GPAT3: variants seen among roughly 807,000 people sequenced by gnomAD.
The protein encoded by GPAT3 is glycerol-3-phosphate acyltransferase 3.
In GPAT3, 53 loss-of-function variants were observed where a neutral mutation model predicts 58.8. That is an observed-to-expected ratio of 0.90 (90% confidence interval 0.72 to 1.13). The LOEUF (loss-of-function observed/expected upper bound fraction) is 1.13, where lower values mean the gene tolerates loss of function less well. GPAT3 is among the 50% of genes most tolerant of loss of function. The pLI is 0.00. For synonymous variants in GPAT3, 197 were observed against 187.4 expected (o/e 1.05, Z -0.42); for missense variants, 511 against 527.6 (o/e 0.97, Z 0.31).
rs756839144 is a variant in GPAT3, at chr4:83,581,811, A to G, written c.458A>G (p.Tyr153Cys). The G allele has an allele frequency of 3.1e-6, 5 of 1,612,388 alleles. No homozygotes were observed. The highest frequency in any genetic ancestry group is 4.2e-6 in the Non-Finnish European group (5 of 1,178,738). Residue 153 changes from tyrosine to cysteine, a missense_variant, in exon 3 of 12, where the codon TAT (tyrosine) becomes TGT (cysteine). Tyr to Cys is a radical substitution (Grantham distance 194). Transcript: ENST00000264409. ...MVWVLGVIVR[Y>C]CVLLPLRVTL... ...TGGGTGCTGGGCGTCATAGTGCGCT[A>G]TTGTGTCCTACTGCCTCTGAGGTAA... is the stretch of plus-strand genomic sequence containing the variant.
At chr4:83,577,366 C>T (rs567940118) in intron 2 of GPAT3, among the ~76,000 whole-genome samples, 1 of 152,166 alleles carries the variant, frequency 6.6e-6, no homozygotes, top group Non-Finnish European at 1.5e-5. Context: ...AGATTAGATT[C>T]TCATATTGCA....
Position 83,536,745 on chromosome 4 carries a change from C to G in GPAT3, c.123C>G (p.Ile41Met). 1 of 1,612,452 alleles carries G rather than the reference C, an allele frequency of 6.2e-7. No homozygotes were observed. The highest frequency in any genetic ancestry group is 1.1e-5 in the South Asian group (1 of 90,982). ...SLGISEIYMK[I>M]LVKTLEWATI... ...GCATCTCCGAGATCTACATGAAGAT[C>G]CTAGTGAAAACTTTAGAGGTGAGTG... The change falls in exon 1 of 12, where the codon ATC becomes ATG. Residue 41 changes from isoleucine (I) to methionine (M), a missense_variant. Transcript: ENST00000264409.
intron 1 of GPAT3, among the ~76,000 whole-genome samples, chr4:83,538,780 C>T (rs1209316461): frequency 6.6e-6 from 1 of 152,150 alleles, no homozygotes; most frequent in African/African-American, 2.4e-5. Context: ...GAGCTGAACT[C>T]CTTGTCAATC....
intron 9 of GPAT3, among the ~76,000 whole-genome samples, chr4:83,597,739 A>G (rs17006925): frequency 0.032 from 4,831 of 152,216 alleles, 243 homozygotes; most frequent in African/African-American, 0.11. Flanking sequence ...GTATTTGCTC[A>G]TAGTGTTAAG....
At chr4:83,585,249 TTTC>T (rs1462636441) in intron 3 of GPAT3, among the ~76,000 whole-genome samples, 1 of 151,588 alleles carries the variant, frequency 6.6e-6, no homozygotes, top group Admixed American at 6.6e-5. Flanking sequence ...TTCAAAAAGC[TTTC>T]TTCTTGCTCA....
At chr4:83,562,905 T>G (rs1725234744) in intron 2 of GPAT3, among the ~76,000 whole-genome samples, 1 of 152,286 alleles carries the variant, frequency 6.6e-6, no homozygotes, top group East Asian at 1.9e-4. Flanking sequence ...CCAAGAATAA[T>G]AGAAGTTGTC....
intron 2 of GPAT3, among the ~76,000 whole-genome samples, chr4:83,562,235 TA>T (rs368482713): frequency 5.4e-5 from 4 of 74,572 alleles, no homozygotes; most frequent in East Asian, 8.7e-4. Flanking sequence ...AATATATATA[TA>T]ATATATATAT....
intron 1 of GPAT3, among the ~76,000 whole-genome samples, chr4:83,539,061 T>A (rs960352024): frequency 2.0e-5 from 3 of 152,246 alleles, no homozygotes; most frequent in African/African-American, 7.2e-5. Context: ...CTGCTTTAGG[T>A]GCAGGAGAAC....
intron 2 of GPAT3, among the ~76,000 whole-genome samples, chr4:83,545,756 G>A (rs1363155731): frequency 6.6e-6 from 1 of 151,828 alleles, no homozygotes; most frequent in Non-Finnish European, 1.5e-5. Context: ...AAATATAGCA[G>A]CTCTATCATT....
At chr4:83,579,081 C>CTTCCTTTCCTT (rs1725993896) in intron 2 of GPAT3, among the ~76,000 whole-genome samples, 3 of 19,638 alleles carry the variant, frequency 1.5e-4, no homozygotes, top group African/African-American at 5.6e-4. Flanking sequence ...TTTCTTTCTT[C>CTTCCTTTCCTT]CCTTCCTTCC....
chr4:83,545,633 G>A (rs1406018632), intron 2 of GPAT3, among the ~76,000 whole-genome samples: 1 of 152,098 alleles, frequency 6.6e-6, no homozygotes, highest in African/African-American at 2.4e-5. Context: ...AACTAGTAGA[G>A]CTTCATGGTG....
intron 2 of GPAT3, among the ~76,000 whole-genome samples, chr4:83,562,215 A>ATATATATAT (rs1560611131): frequency 9.6e-4 from 21 of 21,928 alleles, no homozygotes; most frequent in Middle Eastern, 0.033. Flanking sequence ...TATATATTAT[A>ATATATATAT]TATATATATA....
chr4:83,558,888 T>C (rs1465292580), intron 2 of GPAT3, among the ~76,000 whole-genome samples: 1 of 152,190 alleles, frequency 6.6e-6, no homozygotes, highest in African/African-American at 2.4e-5. Flanking sequence ...TTACTGAATT[T>C]AGAGAAAAAC....
intron 11 of GPAT3, among the ~76,000 whole-genome samples, chr4:83,599,776 A>G (rs946196161): frequency 6.6e-6 from 1 of 152,176 alleles, no homozygotes; most frequent in Non-Finnish European, 1.5e-5. Flanking sequence ...GACAAAATAC[A>G]GTGGTCCCCT....
intron 1 of GPAT3, among the ~76,000 whole-genome samples, chr4:83,537,160 C>A (rs190769410): frequency 1.8e-4 from 28 of 152,260 alleles, no homozygotes; most frequent in Admixed American, 1.2e-3. Context: ...TTTCAGAGGT[C>A]CTTTTGTGTA....
chr4:83,555,121 G>T (rs1379165811), intron 2 of GPAT3, among the ~76,000 whole-genome samples: 1 of 152,048 alleles, frequency 6.6e-6, no homozygotes, highest in African/African-American at 2.4e-5. Flanking sequence ...CTGAGAGTTG[G>T]CTTTGTCACT....
At chr4:83,540,800 C>T (rs959222029) in intron 1 of GPAT3, among the ~76,000 whole-genome samples, 6 of 152,174 alleles carry the variant, frequency 3.9e-5, no homozygotes, top group Non-Finnish European at 7.4e-5. Context: ...AGTGATTCTC[C>T]TGCCTCAGCC....
rs1157619018 is a variant in GPAT3 at position 83,587,416 on chromosome 4, T to C, written c.554+87T>C. ...AAAGAGAATATTTGTTTGATTCCTA[T>C]GTATTGCATTATTATTATTATTATT... On this transcript the variant is annotated intron_variant, in intron 4 of 11. Transcript: ENST00000264409. The C allele has an allele frequency of 1.3e-5, 15 of 1,147,020 alleles. No homozygotes were observed. In the South Asian group the frequency reaches 1.7e-4, roughly 13 times the overall value. The allele number at this position is 1,147,020 out of a possible 1,614,324, so 71.1% of individuals were successfully genotyped here. A position where few individuals can be genotyped will look rare whatever the true frequency, so the allele number is the denominator to read the frequency against.
chr4:83,576,577 G>A (rs1449844926), intron 2 of GPAT3, among the ~76,000 whole-genome samples: 1 of 151,930 alleles, frequency 6.6e-6, no homozygotes, highest in African/African-American at 2.4e-5. Context: ...CCAAGTAGCT[G>A]GAATTACAGG....
Sources: allele counts gnomAD v4.1 joint callset (sites outside exome capture counted in the v4.1 genomes callset), GRCh38; gene constraint gnomAD v4.1.1; transcripts MANE v1.5; gene names NCBI Gene and HGNC (gene_info 2026-07-23, HGNC 2026-07-21).